The following LUZP2 variants were observed in gnomAD, a reference collection of about 807,000 sequenced individuals.
LUZP2 encodes the protein leucine zipper protein 2.
In LUZP2, 52 loss-of-function variants were observed where a neutral mutation model predicts 51.6. The ratio of observed to expected loss-of-function variants is 1.01; its 90% CI spans 0.81 to 1.27. The LOEUF (loss-of-function observed/expected upper bound fraction) is 1.27. Ranked by LOEUF, LUZP2 falls within the 50% of genes most tolerant of loss-of-function variation. The probability of loss-of-function intolerance (pLI) is 0.00; values close to 1 mark genes in which losing one functional copy is unlikely to be tolerated. For missense variants in LUZP2, 436 were observed against 395.4 expected (o/e 1.10, Z -0.87); for synonymous variants, 154 against 137.3 (o/e 1.12, Z -0.85).
chr11:24,719,451 A>C (rs1478080961), intron 1 of LUZP2, among the ~76,000 whole-genome samples: 1 of 152,228 alleles, frequency 6.6e-6, no homozygotes, highest in African/African-American at 2.4e-5. Context: ...TGAAGTCAAC[A>C]GAAAAAATTG....
At chr11:24,860,182 G>A (rs1237028128) in intron 5 of LUZP2, among the ~76,000 whole-genome samples, 2 of 152,180 alleles carry the variant, frequency 1.3e-5, no homozygotes, top group East Asian at 3.9e-4. Flanking sequence ...TCCGTCATCT[G>A]TGGTCAGAGT....
intron 4 of LUZP2, among the ~76,000 whole-genome samples, chr11:24,740,851 C>T (rs1210591297): frequency 2.0e-5 from 3 of 152,004 alleles, no homozygotes; most frequent in Admixed American, 2.0e-4. Flanking sequence ...GTCAATGGTA[C>T]TAATGTAACA....
chr11:24,872,361 G>A (rs762862668), intron 5 of LUZP2, among the ~76,000 whole-genome samples: 11 of 152,028 alleles, frequency 7.2e-5, no homozygotes, highest in Non-Finnish European at 1.3e-4. Context: ...ATGATTTCAC[G>A]CTGTATTTGC....
At chr11:24,513,100 GT>G (rs915825988) in intron 1 of LUZP2, among the ~76,000 whole-genome samples, 1 of 151,986 alleles carries the variant, frequency 6.6e-6, no homozygotes, top group African/African-American at 2.4e-5. Flanking sequence ...TTCAGTCTCT[GT>G]TTTTTAATTA....
intron 5 of LUZP2, among the ~76,000 whole-genome samples, chr11:24,870,532 C>A (rs1340520956): frequency 6.6e-6 from 1 of 151,010 alleles, no homozygotes; most frequent in Non-Finnish European, 1.5e-5. Flanking sequence ...ATACTGAGAG[C>A]ATTATTTCTA....
chr11:24,783,813 T>C (rs556682775), intron 5 of LUZP2, among the ~76,000 whole-genome samples: 1 of 152,066 alleles, frequency 6.6e-6, no homozygotes, highest in East Asian at 1.9e-4. Flanking sequence ...TATTCCAAGT[T>C]TGAAACAGTA....
At chr11:24,506,983 AG>A (rs146222188) in intron 1 of LUZP2, among the ~76,000 whole-genome samples, 2,111 of 152,258 alleles carry the variant, frequency 0.014, 32 homozygotes, top group South Asian at 0.036. Context: ...TGTTTTCAAT[AG>A]GTGAGACAGA....
chr11:24,926,241 G>GTA lies in LUZP2; in HGVS notation c.522+11704_522+11705insAT, dbSNP rs752941824. 2.2e-3 allele frequency among the ~76,000 whole-genome samples: 320 copies of GTA among 146,126 alleles called. 2 individuals carry two copies. In the Middle Eastern group the frequency reaches 0.023, roughly 10 times the overall value. ...TATATACGTGTATATATATATGTGTGTGTATATATATACGTGTGTGTATAT... is the reference window on the plus strand; with the variant it reads ...TATATACGTGTATATATATATGTGTGTATGTATATATATACGTGTGTGTATAT... On this transcript the variant is annotated intron_variant, in intron 7 of 11. Coordinates refer to ENST00000336930, the MANE Select transcript of LUZP2 (RefSeq NM_001009909.4).
At chr11:24,974,477 T>C (rs2133901554) in intron 7 of LUZP2, among the ~76,000 whole-genome samples, 1 of 101,092 alleles carries the variant, frequency 9.9e-6, no homozygotes, top group East Asian at 3.1e-4. Flanking sequence ...TCTGTCATGA[T>C]GCTGAAACTA....
At chr11:24,884,222 T>C (rs891217933) in intron 5 of LUZP2, among the ~76,000 whole-genome samples, 3 of 152,012 alleles carry the variant, frequency 2.0e-5, no homozygotes, top group Non-Finnish European at 2.9e-5. Context: ...GTTACATGCA[T>C]CTGGGATTAG....
chr11:24,728,137 C>G (rs1020035895), intron 1 of LUZP2, among the ~76,000 whole-genome samples: 1 of 151,884 alleles, frequency 6.6e-6, no homozygotes, highest in African/African-American at 2.4e-5. Flanking sequence ...AGCCGTTTTC[C>G]CACAATTTTA....
intron 10 of LUZP2, among the ~76,000 whole-genome samples, chr11:25,073,872 T>A (rs1333678941): frequency 1.3e-5 from 2 of 152,144 alleles, no homozygotes; most frequent in Non-Finnish European, 2.9e-5. Context: ...TATTTGTTAA[T>A]CCATGCTGAA....
At chr11:24,681,896 A>G (rs983496933) in intron 1 of LUZP2, among the ~76,000 whole-genome samples, 1 of 152,122 alleles carries the variant, frequency 6.6e-6, no homozygotes, top group Non-Finnish European at 1.5e-5. Flanking sequence ...AAAAAAAATC[A>G]CCCCATGCTA....
rs145355510 is a variant in LUZP2 at position 24,730,686 on chromosome 11, C to T, written c.180+1400C>T. 1.7e-3 allele frequency among the ~76,000 whole-genome samples: 258 copies of T among 151,886 alleles called. 1 individual carries two copies. Among genetic ancestry groups the T allele is most frequent in the Admixed American group, 3.5e-3 (53 of 15,202 alleles). ...CACATTGAGAATATTGAAAGCATAT[C>T]GTGAAAGGCCCAGATGTGATCAGTA... On this transcript the variant is annotated intron_variant, in intron 2 of 11. Coordinates refer to ENST00000336930, the MANE Select transcript of LUZP2 (RefSeq NM_001009909.4).
chr11:25,008,866 C>T (rs1856907158), intron 9 of LUZP2, among the ~76,000 whole-genome samples: 1 of 151,956 alleles, frequency 6.6e-6, no homozygotes, highest in Non-Finnish European at 1.5e-5. Flanking sequence ...CATGGGCGGG[C>T]CTGGGAAAAA....
intron 8 of LUZP2, among the ~76,000 whole-genome samples, chr11:24,980,780 G>A (rs1275643987): frequency 6.6e-6 from 1 of 151,628 alleles, no homozygotes; most frequent in Non-Finnish European, 1.5e-5. Flanking sequence ...CATTTTAAGT[G>A]GCAGTTTCTA....
At chr11:24,549,815 C>T (rs1043064034) in intron 1 of LUZP2, among the ~76,000 whole-genome samples, 9 of 151,970 alleles carry the variant, frequency 5.9e-5, no homozygotes, top group African/African-American at 1.7e-4. Context: ...ATACCCCCAA[C>T]GTTAACTAAA....
chr11:24,555,351 C>T (rs1457625528), intron 1 of LUZP2, among the ~76,000 whole-genome samples: 2 of 152,050 alleles, frequency 1.3e-5, no homozygotes, highest in Non-Finnish European at 1.5e-5. Flanking sequence ...TGGAGTAAAT[C>T]CTCAATAAAT....
At chr11:24,702,819 C>T (rs941741432) in intron 1 of LUZP2, among the ~76,000 whole-genome samples, 1 of 152,278 alleles carries the variant, frequency 6.6e-6, no homozygotes, top group Admixed American at 6.5e-5. Flanking sequence ...AAGAACCAAT[C>T]GGTTTATATC....
Sources: allele counts gnomAD v4.1 joint callset (sites outside exome capture counted in the v4.1 genomes callset), GRCh38; gene constraint gnomAD v4.1.1; transcripts MANE v1.5; gene names NCBI Gene and HGNC (gene_info 2026-07-23, HGNC 2026-07-21).